The following ZBTB20 variants were observed in gnomAD, a reference collection of about 807,000 sequenced individuals.
ZBTB20 encodes the protein zinc finger and BTB domain containing 20.
ZBTB20 carries 9 observed loss-of-function variants against 56.9 expected under a neutral mutation model. The observed-to-expected ratio is 0.16, with a 90% CI of 0.10 to 0.28. The LOEUF is 0.28. Ranked by LOEUF, ZBTB20 falls within the 10% of genes least tolerant of loss-of-function variation. The probability of loss-of-function intolerance (pLI) is 1.00; values close to 1 mark genes in which losing one functional copy is unlikely to be tolerated. For synonymous variants in ZBTB20, 417 were observed against 420.7 expected, an observed-to-expected ratio of 0.99 and a Z score of 0.11; for missense variants, 655 against 1,003.0, an observed-to-expected ratio of 0.65 and a Z score of 4.69.
intron 1 of ZBTB20, among the ~76,000 whole-genome samples, chr3:115,093,373 A>G (rs983210633): frequency 1.3e-5 from 2 of 152,202 alleles, no homozygotes; most frequent in Non-Finnish European, 2.9e-5. Context: ...AATTATTTTT[A>G]TATTAAGGAA....
chr3:114,338,929 A>G lies in ZBTB20; in HGVS notation c.*76T>C. 2 of 1,415,770 alleles carry G rather than the reference A, an allele frequency of 1.4e-6. No homozygotes were observed. Among genetic ancestry groups the G allele is most frequent in the Non-Finnish European group, 1.9e-6 (2 of 1,065,754 alleles). 87.7% of individuals were successfully genotyped at this position (1,415,770 alleles called of 1,614,324 possible). A position where few individuals can be genotyped will look rare whatever the true frequency, so the allele number is the denominator to read the frequency against. On this transcript the variant is annotated 3_prime_UTR_variant, in exon 12 of 12. Transcript: ENST00000675478. ...GAAACCAAAACATTTCTTAAATTCT[A>G]GTGCCATAGCTTTTTTGTTTGTTTG...
chr3:114,797,711 C>G (rs1315409993), intron 5 of ZBTB20, among the ~76,000 whole-genome samples: 1 of 151,894 alleles, frequency 6.6e-6, no homozygotes, highest in East Asian at 1.9e-4. Flanking sequence ...ACATCTACAT[C>G]TAGGACCCTG....
At chr3:114,579,085 A>C (rs1048235034) in intron 6 of ZBTB20, among the ~76,000 whole-genome samples, 4 of 151,836 alleles carry the variant, frequency 2.6e-5, no homozygotes, top group African/African-American at 9.6e-5. Flanking sequence ...ATATTTTCTT[A>C]GAAAAATACA....
intron 1 of ZBTB20, among the ~76,000 whole-genome samples, chr3:115,083,480 T>C (rs2082869544): frequency 1.3e-5 from 2 of 152,136 alleles, no homozygotes; most frequent in South Asian, 2.1e-4. Context: ...CTTACCCTCA[T>C]TGGATTACAA....
Position 114,996,193 on chromosome 3 carries a change from C to T in ZBTB20, c.-506-21777G>A, listed in dbSNP as rs181057335. Among the ~76,000 whole-genome samples the T allele has an allele frequency of 5.4e-3, 816 of 151,796 alleles. 11 individuals are homozygous for T. The highest frequency in any genetic ancestry group is 0.019 in the African/African-American group (795 of 41,460). On this transcript the variant is annotated intron_variant, in intron 2 of 11. Transcript: ENST00000675478. ...AAAAACATGTAGAATGGTGAGAAAT[C>T]TTATTTTTTTCTTTTCTTTTTTTTA... is the stretch of plus-strand genomic sequence containing the variant.
At chr3:114,472,634 G>A (rs988765128) in intron 7 of ZBTB20, among the ~76,000 whole-genome samples, 1 of 152,018 alleles carries the variant, frequency 6.6e-6, no homozygotes, top group African/African-American at 2.4e-5. Flanking sequence ...CTTGAACCTG[G>A]GAGGTGGAGG....
chr3:114,354,587 G>GTTTT (rs10663657), intron 10 of ZBTB20, among the ~76,000 whole-genome samples: 3 of 130,144 alleles, frequency 2.3e-5, no homozygotes, highest in African/African-American at 8.7e-5. Context: ...TGTTTTGTTT[G>GTTTT]TTTTTTTTTT....
chr3:115,028,443 T>C (rs1485602956), intron 2 of ZBTB20, among the ~76,000 whole-genome samples: 1 of 150,788 alleles, frequency 6.6e-6, no homozygotes, highest in Non-Finnish European at 1.5e-5. Context: ...AATGGTAATA[T>C]CTTGGCTATA....
chr3:114,831,168 C>T (rs2073824220), intron 4 of ZBTB20, among the ~76,000 whole-genome samples: 1 of 122,472 alleles, frequency 8.2e-6, no homozygotes, highest in Admixed American at 9.9e-5. Context: ...CCGCTATTTA[C>T]ATATATTTTA....
chr3:114,655,241 C>T (rs201392882), intron 6 of ZBTB20, among the ~76,000 whole-genome samples: 69 of 105,694 alleles, frequency 6.5e-4, no homozygotes, highest in African/African-American at 3.6e-3. Context: ...GTTTTCCTTT[C>T]CTTTTTTTTT....
intron 5 of ZBTB20, among the ~76,000 whole-genome samples, chr3:114,696,853 C>T (rs1439515469): frequency 1.3e-5 from 2 of 151,856 alleles, no homozygotes; most frequent in Non-Finnish European, 2.9e-5. Flanking sequence ...ACATTTGAGA[C>T]ATTAAGAAGG....
chr3:115,127,427 T>G (rs926094189), intron 1 of ZBTB20, among the ~76,000 whole-genome samples: 1 of 152,008 alleles, frequency 6.6e-6, no homozygotes, highest in Non-Finnish European at 1.5e-5. Context: ...ATGTCTGTAC[T>G]AAAAATACAC....
At chr3:114,775,589 G>T (rs114096662) in intron 5 of ZBTB20, among the ~76,000 whole-genome samples, 5,191 of 149,438 alleles carry the variant, frequency 0.035, 142 homozygotes, top group African/African-American at 0.071. Flanking sequence ...CTGTTTGTTT[G>T]CTCTGAGGAG....
At chr3:114,634,861 T>C (rs2059168113) in intron 6 of ZBTB20, among the ~76,000 whole-genome samples, 1 of 152,180 alleles carries the variant, frequency 6.6e-6, no homozygotes, top group Admixed American at 6.5e-5. Context: ...GGTCAGTTCC[T>C]ATATTGCCTC....
intron 2 of ZBTB20, among the ~76,000 whole-genome samples, chr3:115,008,813 C>T (rs1241520823): frequency 3.3e-5 from 5 of 151,868 alleles, no homozygotes; most frequent in Non-Finnish European, 7.4e-5. Context: ...CAAAGTATAT[C>T]TGTAATACAA....
chr3:114,382,349 C>T (rs2084474519), intron 8 of ZBTB20, among the ~76,000 whole-genome samples: 1 of 152,184 alleles, frequency 6.6e-6, no homozygotes, highest in Non-Finnish European at 1.5e-5. Context: ...CTACATTAGC[C>T]TGACACTCAA....
At chr3:114,966,180 T>A (rs947188521) in intron 3 of ZBTB20, among the ~76,000 whole-genome samples, 4 of 152,138 alleles carry the variant, frequency 2.6e-5, no homozygotes, top group Non-Finnish European at 5.9e-5. Context: ...CATCAATTAC[T>A]TCTTTGTAAC....
At chr3:114,524,567 C>A (rs1272238015) in intron 6 of ZBTB20, among the ~76,000 whole-genome samples, 1 of 152,022 alleles carries the variant, frequency 6.6e-6, no homozygotes, top group Non-Finnish European at 1.5e-5. Context: ...TTTCTACTAC[C>A]TCCTCAATGT....
At chr3:114,708,145 C>G (rs2063831777) in intron 5 of ZBTB20, among the ~76,000 whole-genome samples, 1 of 152,192 alleles carries the variant, frequency 6.6e-6, no homozygotes, top group South Asian at 2.1e-4. Context: ...GCAATCTAAT[C>G]TCACTGTCAA....
Sources: gnomAD v4.1 joint callset for allele counts (sites outside exome capture counted in the v4.1 genomes callset) on GRCh38, gnomAD v4.1.1 for gene constraint, MANE v1.5 for transcripts, NCBI Gene and HGNC (gene_info 2026-07-23, HGNC 2026-07-21) for gene names.